The following KANSL1L variants were observed in gnomAD, a reference collection of about 807,000 sequenced individuals.
KANSL1L encodes KAT8 regulatory NSL complex subunit 1 like, also known as KAT8 regulatory NSL complex subunit 1-like protein.
A neutral mutation model predicts 108.6 loss-of-function variants in KANSL1L; 25 were observed. The ratio of observed to expected loss-of-function variants is 0.23; its 90% confidence interval spans 0.17 to 0.32. The LOEUF (loss-of-function observed/expected upper bound fraction) is 0.32, where lower values mean the gene tolerates loss of function less well. KANSL1L is among the 10% of genes least tolerant of loss of function. The probability of loss-of-function intolerance (pLI) is 1.00; values close to 1 mark genes in which losing one functional copy is unlikely to be tolerated. For synonymous variants in KANSL1L, 405 were observed against 395.1 expected (o/e 1.03, Z -0.30); for missense variants, 1,137 against 1,125.7 (o/e 1.01, Z -0.14).
intron 7 of KANSL1L, 30 bp from the exon 8 acceptor site, chr2:210,040,557 C>T: frequency 1.0e-6 from 1 of 988,492 alleles, no homozygotes; most frequent in Non-Finnish European, 1.5e-6. Flanking sequence ...AAGGTATTTT[C>T]AAATACCACT....
chr2:210,096,687 C>T (rs372643082), intron 5 of KANSL1L: 11 of 972,062 alleles, frequency 1.1e-5, no homozygotes, highest in South Asian at 9.5e-5. Flanking sequence ...AATTAGGATA[C>T]GTTCTCATAA....
At chr2:210,085,521 T>C (rs1009865816) in intron 5 of KANSL1L, among the ~76,000 whole-genome samples, 2 of 152,152 alleles carry the variant, frequency 1.3e-5, no homozygotes, top group African/African-American at 4.8e-5. Context: ...TGTCAAATAT[T>C]TGTCTGATCT....
At chr2:210,107,440 T>C (rs1215876254) in intron 3 of KANSL1L, among the ~76,000 whole-genome samples, 1 of 151,046 alleles carries the variant, frequency 6.6e-6, no homozygotes, top group Non-Finnish European at 1.5e-5. Context: ...AATATAGGAA[T>C]CTGTAATATG....
intron 2 of KANSL1L, among the ~76,000 whole-genome samples, chr2:210,144,021 T>C (rs1001533048): frequency 6.6e-6 from 1 of 152,224 alleles, no homozygotes; most frequent in African/African-American, 2.4e-5. Context: ...CTAGTGATGA[T>C]GAACTTTCTC....
intron 4 of KANSL1L, among the ~76,000 whole-genome samples, chr2:210,099,646 T>C (rs1340066197): frequency 2.6e-5 from 4 of 152,190 alleles, no homozygotes; most frequent in East Asian, 1.9e-4. Context: ...CATCTTCCGG[T>C]TGGAAACACT....
Position 210,104,313 on chromosome 2 carries a change from A to T in KANSL1L, c.1231-12T>A, listed in dbSNP as rs1156968220. 1 of 1,601,424 alleles carries T rather than the reference A, an allele frequency of 6.2e-7. No homozygotes were observed. The highest frequency in any genetic ancestry group is 8.5e-7 in the Non-Finnish European group (1 of 1,170,278). ...AGGACCACTATCCCCTAGACAAAAA[A>T]CAATGAGAAAGTTGAAATGAAAACA... On this transcript the variant is annotated splice_polypyrimidine_tract_variant and intron_variant, in intron 3 of 14. Transcript: ENST00000281772.
At position 210,025,085 on chromosome 2, in the gene KANSL1L, T is replaced by C; in HGVS notation, c.2564+19A>G. On this transcript the variant is annotated intron_variant, in intron 13 of 14. Coordinates refer to ENST00000281772, the MANE Select transcript of KANSL1L (RefSeq NM_152519.4). ...TTCACATGGATTCTATGGCTTGGGG[T>C]TTTAAATTTGTAACCTGCCTGCTGT... 1 of 1,474,452 alleles carries C rather than the reference T, an allele frequency of 6.8e-7. No homozygotes were observed. Among genetic ancestry groups the C allele is most frequent in the Non-Finnish European group, 9.5e-7 (1 of 1,054,410 alleles). 91.3% of individuals were successfully genotyped at this position (1,474,452 alleles called of 1,614,324 possible). A position where few individuals can be genotyped will look rare whatever the true frequency, so the allele number is the denominator to read the frequency against.
rs994337562 is a variant in KANSL1L, at chr2:210,114,979, G to C, written c.1231-10678C>G. 3.3e-5 allele frequency among the ~76,000 whole-genome samples: 5 copies of C among 151,844 alleles called. No homozygotes were observed. In the East Asian group the frequency reaches 5.8e-4, roughly 18 times the overall value. On this transcript the variant is annotated intron_variant, in intron 3 of 14. Coordinates refer to ENST00000281772, the MANE Select transcript of KANSL1L (RefSeq NM_152519.4). ...ATGAGAAAGAAATTTAAACATTTCA[G>C]TGTCAAAAAATAATCAACTAAACAT...
Position 210,021,530 on chromosome 2 carries a change from TTTTC to T in KANSL1L, c.*1415_*1418del, listed in dbSNP as rs904366084. 1 of 152,588 alleles carries T rather than the reference TTTTC, an allele frequency of 6.6e-6. No individual in the cohort carries two copies. Among genetic ancestry groups the T allele is most frequent in the African/African-American group, 2.4e-5 (1 of 41,462 alleles). 9.5% of individuals were successfully genotyped at this position (152,588 alleles called of 1,614,324 possible). A position where few individuals can be genotyped will look rare whatever the true frequency, so the allele number is the denominator to read the frequency against. On this transcript the variant is annotated 3_prime_UTR_variant, in exon 15 of 15. Coordinates refer to ENST00000281772, the MANE Select transcript of KANSL1L (RefSeq NM_152519.4). ...ACAACTTGGGTTTGTCTGGCTTTTG[TTTTC>T]TTTTTCTTTAAAAATAAATGTACAG...
At chr2:210,130,768 C>T (rs915914516) in intron 2 of KANSL1L, among the ~76,000 whole-genome samples, 3 of 151,662 alleles carry the variant, frequency 2.0e-5, no homozygotes, top group Non-Finnish European at 4.4e-5. Context: ...CATGCTAGCG[C>T]GTAGCATTTT....
chr2:210,042,787 G>A (rs1463981142), intron 7 of KANSL1L, among the ~76,000 whole-genome samples: 2 of 152,068 alleles, frequency 1.3e-5, no homozygotes, highest in African/African-American at 2.4e-5. Context: ...GAATAAAATA[G>A]TTCTTGTTAA....
intron 6 of KANSL1L, among the ~76,000 whole-genome samples, chr2:210,075,180 T>C (rs2094533756): frequency 6.6e-6 from 1 of 152,222 alleles, no homozygotes; most frequent in South Asian, 2.1e-4. Context: ...GTGCAGATTT[T>C]CTTCTTCTGA....
chr2:210,085,536 C>T (rs1470198415), intron 5 of KANSL1L, among the ~76,000 whole-genome samples: 1 of 152,070 alleles, frequency 6.6e-6, no homozygotes, highest in East Asian at 1.9e-4. Flanking sequence ...TGATCTGAGG[C>T]ACTTACAGAT....
intron 2 of KANSL1L, among the ~76,000 whole-genome samples, chr2:210,137,797 G>A (rs1384062191): frequency 6.6e-6 from 1 of 152,112 alleles, no homozygotes; most frequent in Admixed American, 6.6e-5. Flanking sequence ...TTGGTAGGCC[G>A]AGGCAGGCAG....
intron 10 of KANSL1L, 47 bp downstream of exon 10, chr2:210,029,756 T>C: frequency 1.1e-6 from 1 of 947,064 alleles, no homozygotes; most frequent in Non-Finnish European, 1.6e-6. Context: ...AATCAGGTGT[T>C]TTTATTTTTA....
chr2:210,103,013 T>A (rs1043853725), intron 4 of KANSL1L, among the ~76,000 whole-genome samples: 1 of 152,106 alleles, frequency 6.6e-6, no homozygotes, highest in Non-Finnish European at 1.5e-5. Context: ...AAGACACATG[T>A]ACACGTATGC....
At chr2:210,116,958 T>C (rs1420625871) in intron 3 of KANSL1L, among the ~76,000 whole-genome samples, 1 of 152,016 alleles carries the variant, frequency 6.6e-6, no homozygotes, top group Non-Finnish European at 1.5e-5. Context: ...GAACTGAAAA[T>C]AGCTGTTTTG....
At position 210,146,493 on chromosome 2, in the gene KANSL1L, C is replaced by T. The variant is rs183254398; in HGVS notation, c.1088+7002G>A. The stretch of plus-strand genomic sequence containing the variant: ...ACTTCTGCAAAAGGGCTTTACTATT[C>T]TGGTTTCTCCATATAGGACATAAAT... On this transcript the variant is annotated intron_variant, in intron 2 of 14. Transcript: ENST00000281772. Among the ~76,000 whole-genome samples the T allele has an allele frequency of 1.1e-3, 165 of 152,306 alleles. 1 individual carries two copies. Among genetic ancestry groups the T allele is most frequent in the Non-Finnish European group, 4.0e-4 (27 of 68,030 alleles).
chr2:210,046,731 G>A (rs969675147), intron 6 of KANSL1L, among the ~76,000 whole-genome samples: 1 of 152,098 alleles, frequency 6.6e-6, no homozygotes, highest in Non-Finnish European at 1.5e-5. Context: ...AGGTGACTTG[G>A]GGTCAAGGGC....
Sources: gnomAD v4.1 joint callset for allele counts (sites outside exome capture counted in the v4.1 genomes callset) on GRCh38, gnomAD v4.1.1 for gene constraint, MANE v1.5 for transcripts, NCBI Gene and HGNC (gene_info 2026-07-23, HGNC 2026-07-21) for gene names.